Variants in RBPMS observed in about 807,000 individuals in gnomAD.
RBPMS encodes the protein RNA-binding protein with multiple splicing.
Under a neutral mutation model 26.8 loss-of-function variants are expected in RBPMS, and 7 were observed. That is an observed-to-expected ratio of 0.26 (90% CI 0.15 to 0.49). RBPMS has a LOEUF of 0.49. Ranked by LOEUF, RBPMS falls within the 20% of genes least tolerant of loss-of-function variation. RBPMS has a pLI of 0.98. For synonymous variants in RBPMS, 96 were observed against 93.3 expected (o/e 1.03, Z -0.17); for missense variants, 186 against 250.0 (o/e 0.74, Z 1.73).
At chr8:30,448,919 G>C (rs977471252) in intron 1 of RBPMS, among the ~76,000 whole-genome samples, 1 of 152,110 alleles carries the variant, frequency 6.6e-6, no homozygotes. Flanking sequence ...CATACCCATG[G>C]GGGGGAACTT....
chr8:30,496,410 T>C (rs565881771), intron 4 of RBPMS, among the ~76,000 whole-genome samples: 32 of 152,190 alleles, frequency 2.1e-4, no homozygotes, highest in South Asian at 4.2e-4. Flanking sequence ...CCTCGTGATC[T>C]GCCCTCCTTG....
At chr8:30,529,203 G>A (rs1238486269) in intron 5 of RBPMS, among the ~76,000 whole-genome samples, 2 of 151,542 alleles carry the variant, frequency 1.3e-5, no homozygotes, top group African/African-American at 2.4e-5. Flanking sequence ...GGGCAACAGC[G>A]AGATTCTGTC....
At chr8:30,449,384 T>C (rs1428794603) in intron 1 of RBPMS, among the ~76,000 whole-genome samples, 1 of 149,202 alleles carries the variant, frequency 6.7e-6, no homozygotes, top group African/African-American at 2.5e-5. Flanking sequence ...TTTTTTTTTT[T>C]TTTTTTGAGA....
At chr8:30,529,983 G>C (rs573955587) in intron 5 of RBPMS, among the ~76,000 whole-genome samples, 112 of 152,228 alleles carry the variant, frequency 7.4e-4, no homozygotes, top group Middle Eastern at 3.4e-3. Context: ...TCGAACTCCT[G>C]ACCTCAGGTA....
chr8:30,455,793 G>A (rs1270633410), intron 1 of RBPMS, among the ~76,000 whole-genome samples: 1 of 152,202 alleles, frequency 6.6e-6, no homozygotes, highest in Admixed American at 6.5e-5. Context: ...GGGAGGCTGA[G>A]TCGGGAGAAT....
intron 5 of RBPMS, among the ~76,000 whole-genome samples, chr8:30,526,940 G>C (rs533821415): frequency 2.2e-4 from 33 of 152,296 alleles, no homozygotes; most frequent in Non-Finnish European, 4.3e-4. Flanking sequence ...AAAAAATTAA[G>C]AGAATGATTA....
At chr8:30,471,483 T>C (rs1351820889) in intron 1 of RBPMS, among the ~76,000 whole-genome samples, 2 of 152,212 alleles carry the variant, frequency 1.3e-5, no homozygotes, top group Non-Finnish European at 2.9e-5. Flanking sequence ...GATGCACCAC[T>C]AGATAAATGG....
intron 5 of RBPMS, among the ~76,000 whole-genome samples, chr8:30,504,687 T>G (rs527421361): frequency 6.6e-6 from 1 of 152,232 alleles, no homozygotes; most frequent in Non-Finnish European, 1.5e-5. Flanking sequence ...ACAGATTTCC[T>G]TAATGTTATA....
intron 1 of RBPMS, among the ~76,000 whole-genome samples, chr8:30,436,403 T>A (rs775226786): frequency 2.6e-5 from 4 of 152,218 alleles, no homozygotes; most frequent in Non-Finnish European, 5.9e-5. Flanking sequence ...TGAAAGCTGC[T>A]GTCTAATTTC....
At chr8:30,524,999 A>T (rs1355169069) in intron 5 of RBPMS, among the ~76,000 whole-genome samples, 1 of 152,150 alleles carries the variant, frequency 6.6e-6, no homozygotes, top group East Asian at 1.9e-4. Context: ...TTATGAAAAA[A>T]TTTAATCTAG....
At chr8:30,486,605 C>G (rs1468128786) in intron 4 of RBPMS, among the ~76,000 whole-genome samples, 1 of 151,472 alleles carries the variant, frequency 6.6e-6, no homozygotes, top group Non-Finnish European at 1.5e-5. Flanking sequence ...TGCACTCCAG[C>G]CTGGGCGATG....
At chr8:30,391,408 G>A (rs756651061) in intron 1 of RBPMS, among the ~76,000 whole-genome samples, 2 of 152,212 alleles carry the variant, frequency 1.3e-5, no homozygotes, top group African/African-American at 4.8e-5. Flanking sequence ...GTGTCTGCCT[G>A]GGGGTAGGGG....
chr8:30,452,965 C>T (rs17626807), intron 1 of RBPMS, among the ~76,000 whole-genome samples: 37,551 of 152,076 alleles, frequency 0.25, 4,997 homozygotes, highest in East Asian at 0.42. Flanking sequence ...CTGTTCTTAA[C>T]AGGTATCTCA....
At chr8:30,417,244 A>G (rs1398763938) in intron 1 of RBPMS, among the ~76,000 whole-genome samples, 1 of 152,240 alleles carries the variant, frequency 6.6e-6, no homozygotes, top group Non-Finnish European at 1.5e-5. Flanking sequence ...AAAGAAAACC[A>G]AATATATCAC....
At chr8:30,527,406 C>T (rs1410351264) in intron 5 of RBPMS, among the ~76,000 whole-genome samples, 5 of 152,184 alleles carry the variant, frequency 3.3e-5, no homozygotes, top group Admixed American at 6.5e-5. Context: ...GCCAGCTCCC[C>T]AGGTCTCTGA....
intron 6 of RBPMS, among the ~76,000 whole-genome samples, chr8:30,555,210 T>C (rs1273459816): frequency 1.3e-5 from 2 of 151,766 alleles, no homozygotes; most frequent in Non-Finnish European, 2.9e-5. Flanking sequence ...TCTGTCACCA[T>C]GCTGAGTGCT....
At position 30,549,525 on chromosome 8, in the gene RBPMS, G is replaced by A. The variant is rs144993453; in HGVS notation, c.528+4901G>A. On this transcript the variant is annotated intron_variant, in intron 6 of 8. Coordinates refer to ENST00000397323, the MANE Select transcript of RBPMS (RefSeq NM_001008710.3). ...CTCTGTGAAGGTCAGACTGTGAGGA[G>A]AAGCCACCCCTTGAGCGCTCCGTCT... The A allele has an allele frequency of 3.5e-3, 5,671 of 1,614,086 alleles. 13 individuals are homozygous for A. Among genetic ancestry groups the A allele is most frequent in the Non-Finnish European group, 4.6e-3 (5,421 of 1,179,926 alleles).
rs555030102 is a variant in RBPMS at position 30,506,599 on chromosome 8, C to T, written c.397+2163C>T. 1.5e-3 allele frequency among the ~76,000 whole-genome samples: 232 copies of T among 152,222 alleles called. 1 individual carries two copies. Among genetic ancestry groups the T allele is most frequent in the Non-Finnish European group, 2.5e-3 (168 of 68,014 alleles). On this transcript the variant is annotated intron_variant, in intron 5 of 8. Coordinates refer to ENST00000397323, the MANE Select transcript of RBPMS (RefSeq NM_001008710.3). The stretch of plus-strand genomic sequence containing the variant: ...TGTTGGGTCTACACGGACAAACCCA[C>T]TTGCATTGTACTCAGAATTGGTACT...
intron 5 of RBPMS, among the ~76,000 whole-genome samples, chr8:30,517,868 G>A (rs966849802): frequency 3.9e-5 from 6 of 152,196 alleles, no homozygotes; most frequent in East Asian, 1.9e-4. Context: ...GAAACAGATC[G>A]ACAGACTGAA....
Sources: allele counts gnomAD v4.1 joint callset (sites outside exome capture counted in the v4.1 genomes callset), GRCh38; gene constraint gnomAD v4.1.1; transcripts MANE v1.5; gene names NCBI Gene and HGNC (gene_info 2026-07-23, HGNC 2026-07-21).